Variants in CAMTA1 observed in about 807,000 individuals in gnomAD.
CAMTA1 encodes calmodulin binding transcription activator 1.
CAMTA1 carries 27 observed loss-of-function variants against 170.9 expected under a neutral mutation model. That is an observed-to-expected ratio of 0.16 (90% confidence interval 0.12 to 0.22). CAMTA1 has a LOEUF of 0.22. Among genes scored for constraint, CAMTA1 ranks in the 10% least tolerant of loss-of-function variants. The pLI, the probability that CAMTA1 is intolerant of heterozygous loss-of-function variation, is 1.00. For synonymous variants in CAMTA1, 833 were observed against 891.5 expected, an observed-to-expected ratio of 0.93 and a Z score of 1.17; for missense variants, 1,619 against 2,217.2, an observed-to-expected ratio of 0.73 and a Z score of 5.42.
intron 4 of CAMTA1, among the ~76,000 whole-genome samples, chr1:7,163,818 G>A (rs1456814415): frequency 6.6e-6 from 1 of 152,184 alleles, no homozygotes; most frequent in Non-Finnish European, 1.5e-5. Context: ...GGGAGGGACA[G>A]TGCCTGTGCA....
chr1:7,084,919 AG>A (rs1640532402), intron 3 of CAMTA1, among the ~76,000 whole-genome samples: 1 of 152,270 alleles, frequency 6.6e-6, no homozygotes, highest in Non-Finnish European at 1.5e-5. Flanking sequence ...ATTGGGTTAA[AG>A]TATAAAATAT....
chr1:6,985,892 A>T (rs547684377), intron 3 of CAMTA1, among the ~76,000 whole-genome samples: 10 of 152,312 alleles, frequency 6.6e-5, no homozygotes, highest in Non-Finnish European at 1.3e-4. Flanking sequence ...TAGATTTATT[A>T]TGCTTGGGAT....
intron 6 of CAMTA1, among the ~76,000 whole-genome samples, chr1:7,473,396 C>T (rs1052623710): frequency 1.3e-5 from 2 of 152,168 alleles, no homozygotes; most frequent in Admixed American, 6.5e-5. Context: ...GTCCTAGAGC[C>T]CAGGCTCGGG....
At chr1:7,047,106 T>C (rs1269404565) in intron 3 of CAMTA1, among the ~76,000 whole-genome samples, 1 of 152,178 alleles carries the variant, frequency 6.6e-6, no homozygotes, top group Admixed American at 6.5e-5. Context: ...GGGCTGCTTG[T>C]GCTGAGGTGG....
intron 3 of CAMTA1, among the ~76,000 whole-genome samples, chr1:6,990,592 G>A (rs984677795): frequency 7.9e-5 from 12 of 152,080 alleles, no homozygotes; most frequent in African/African-American, 2.7e-4. Context: ...TGACAGATGT[G>A]TCTACCCATG....
intron 11 of CAMTA1, among the ~76,000 whole-genome samples, chr1:7,706,225 G>A (rs2149589138): frequency 6.6e-6 from 1 of 152,284 alleles, no homozygotes; most frequent in East Asian, 1.9e-4. Context: ...ATCTAATCCC[G>A]GAAGCGGACT....
intron 4 of CAMTA1, among the ~76,000 whole-genome samples, chr1:7,196,273 A>G (rs1046853999): frequency 5.3e-5 from 8 of 152,116 alleles, no homozygotes; most frequent in African/African-American, 1.9e-4. Flanking sequence ...CCATGACTGT[A>G]AGTTTCTTGA....
At chr1:6,898,844 C>T (rs1470428440) in intron 3 of CAMTA1, among the ~76,000 whole-genome samples, 2 of 152,226 alleles carry the variant, frequency 1.3e-5, no homozygotes, top group South Asian at 4.1e-4. Flanking sequence ...CCTAGCCGAC[C>T]TCCAAACAGG....
In CAMTA1 at chr1:7,585,854, G is replaced by C. The variant is rs945859486; in HGVS notation, c.511-54546G>C. Among the ~76,000 whole-genome samples the C allele has an allele frequency of 2.6e-5, 4 of 151,634 alleles. No homozygotes were observed. The highest frequency in any genetic ancestry group is 9.7e-5 in the African/African-American group (4 of 41,130). ...AGTAGACTCAGCCCCCACCTCCCCT[G>C]CCTCCCACCTCCCCTCTCGATGCGG... On this transcript the variant is annotated intron_variant, in intron 6 of 22. Transcript: ENST00000303635. The surrounding 1 kb of genome is among the most constrained non-coding windows in gnomAD (Gnocchi z 4.8).
rs560211942 is a variant in CAMTA1, at chr1:7,461,675, T to C, written c.439-6155T>C. On this transcript the variant is annotated intron_variant, in intron 5 of 22. Coordinates refer to ENST00000303635, the MANE Select transcript of CAMTA1 (RefSeq NM_015215.4). Reference sequence around the variant, plus strand: ...AGAATGGGAGGTCAACAGCAAGCCCTGGCTTCTGGGGGTTCCCTGCCTCCT... The same window carrying C: ...AGAATGGGAGGTCAACAGCAAGCCCCGGCTTCTGGGGGTTCCCTGCCTCCT... Among the ~76,000 whole-genome samples, 4 of 152,342 alleles carry C rather than the reference T, an allele frequency of 2.6e-5. No individual in the cohort carries two copies. In the East Asian group the frequency reaches 7.7e-4, roughly 29 times the overall value.
chr1:7,260,254 G>GTGTA (rs1273749396), intron 5 of CAMTA1, among the ~76,000 whole-genome samples: 1 of 152,178 alleles, frequency 6.6e-6, no homozygotes, highest in Non-Finnish European at 1.5e-5. Flanking sequence ...GGGGTGCTCT[G>GTGTA]TGTATGTCCT....
At chr1:7,304,942 CA>C (rs199903361) in intron 5 of CAMTA1, among the ~76,000 whole-genome samples, 2 of 151,656 alleles carry the variant, frequency 1.3e-5, no homozygotes, top group East Asian at 1.9e-4. Flanking sequence ...TCCAAAATTA[CA>C]AAAAAATGTT....
At chr1:7,656,090 T>C (rs780776496) in intron 7 of CAMTA1, among the ~76,000 whole-genome samples, 17 of 152,252 alleles carry the variant, frequency 1.1e-4, no homozygotes, top group Admixed American at 2.0e-4. Flanking sequence ...CAGCTTGATA[T>C]TGGACTTCCC....
intron 6 of CAMTA1, among the ~76,000 whole-genome samples, chr1:7,493,966 C>T (rs1326436286): frequency 2.0e-5 from 3 of 152,104 alleles, no homozygotes; most frequent in Non-Finnish European, 2.9e-5. Context: ...GGCCACCCGC[C>T]GGCCTCTCCT....
At chr1:7,652,702 AGT>A (rs1486988869) in intron 7 of CAMTA1, among the ~76,000 whole-genome samples, 8 of 152,098 alleles carry the variant, frequency 5.3e-5, no homozygotes, top group African/African-American at 1.7e-4. Context: ...CAGGAAGTGA[AGT>A]GAGTCTTGCT....
In CAMTA1 at chr1:7,547,949, C is replaced by A. The variant is rs2094722158; in HGVS notation, c.510+80048C>A. On this transcript the variant is annotated intron_variant, in intron 6 of 22. Transcript: ENST00000303635. The surrounding 1 kb of genome is among the most constrained non-coding windows in gnomAD (Gnocchi z 5.7). The stretch of plus-strand genomic sequence containing the variant: ...GGAGGATTCTGAAGCCATCTCCAGG[C>A]TCAGGGGAAACAGTGACGTGATTGA... Among the ~76,000 whole-genome samples, 1 of 152,152 alleles carries A rather than the reference C, an allele frequency of 6.6e-6. No homozygotes were observed. Among genetic ancestry groups the A allele is most frequent in the Admixed American group, 6.5e-5 (1 of 15,282 alleles).
chr1:7,377,502 T>A (rs939159499), intron 5 of CAMTA1, among the ~76,000 whole-genome samples: 9 of 152,226 alleles, frequency 5.9e-5, no homozygotes, highest in Non-Finnish European at 1.0e-4. Context: ...GAACCTCTCT[T>A]TTCCCAACCA....
At chr1:7,744,054 C>T (rs2096838435) in intron 16 of CAMTA1, among the ~76,000 whole-genome samples, 1 of 151,170 alleles carries the variant, frequency 6.6e-6, no homozygotes, top group Non-Finnish European at 1.5e-5. Context: ...GTCTTAATCT[C>T]CTGACCTCGT....
At chr1:7,276,542 C>T (rs958107536) in intron 5 of CAMTA1, among the ~76,000 whole-genome samples, 1 of 151,564 alleles carries the variant, frequency 6.6e-6, no homozygotes, top group African/African-American at 2.4e-5. Context: ...ATCTCCTGAC[C>T]TCGTGATCCG....
Sources: allele counts gnomAD v4.1 joint callset (sites outside exome capture counted in the v4.1 genomes callset), GRCh38; gene constraint gnomAD v4.1.1; non-coding constraint Gnocchi (gnomAD v3.1); transcripts MANE v1.5; gene names NCBI Gene and HGNC (gene_info 2026-07-23, HGNC 2026-07-21).